GLYATL1: variants seen among roughly 807,000 people sequenced by gnomAD.
The protein encoded by GLYATL1 is glycine-N-acyltransferase like 1.
GLYATL1 carries 15 observed loss-of-function variants against 20.0 expected under a neutral mutation model. That is an observed-to-expected ratio of 0.75 (90% CI 0.50 to 1.15). The LOEUF is 1.15. Among genes scored for constraint, GLYATL1 ranks in the 50% most tolerant of loss-of-function variants. The pLI is 0.00. For missense variants in GLYATL1, 380 were observed against 368.5 expected, an observed-to-expected ratio of 1.03 and a Z score of -0.26; for synonymous variants, 151 against 131.5, an observed-to-expected ratio of 1.15 and a Z score of -1.01.
At chr11:58,941,230 C>T (rs1275241744) in intron 1 of GLYATL1, among the ~76,000 whole-genome samples, 1 of 136,684 alleles carries the variant, frequency 7.3e-6, no homozygotes, top group East Asian at 2.3e-4. Context: ...GTGATGTTCC[C>T]CTTCCTGTGT....
Position 58,955,855 on chromosome 11 carries a change from G to C in GLYATL1, c.737G>C (p.Arg246Pro), listed in dbSNP as rs986110866. 1 of 1,614,218 alleles carries C rather than the reference G, an allele frequency of 6.2e-7. No individual in the cohort carries two copies. Among genetic ancestry groups the C allele is most frequent in the Admixed American group, 1.7e-5 (1 of 60,028 alleles). Residue 246 changes from arginine to proline, a missense_variant, in exon 7 of 7, where the codon CGA becomes CCA. By Grantham distance (103) the Arg-to-Pro change is moderately radical. Transcript: ENST00000532726. Reference protein sequence around the residue: ...EKYRRTGNMARVMVRYMKYLR... With the variant: ...EKYRRTGNMAPVMVRYMKYLR... ...TACCGAAGGACAGGCAACATGGCAC[G>C]AGTGATGGTGCGATACATGAAATAT...
rs915135754 is a variant in GLYATL1 at position 58,956,000 on chromosome 11, C to T, written c.882C>T (p.Cys294=). 6.2e-7 allele frequency: 1 copy of T among 1,612,144 alleles called. No homozygotes were observed. The highest frequency in any genetic ancestry group is 8.5e-7 in the Non-Finnish European group (1 of 1,178,322). ...EASCEWHQWT[C]YPQNLVPF is the part of the protein sequence containing the mutation. ...CCTGTGAGTGGCACCAATGGACTTG[C>T]TACCCACAGAATCTAGTTCCATTTT... The change falls in exon 7 of 7, where the codon TGC becomes TGT. Residue 294 remains cysteine (C), a synonymous_variant. Coordinates refer to ENST00000532726, the MANE Select transcript of GLYATL1 (RefSeq NM_001389712.2).
intron 1 of GLYATL1, among the ~76,000 whole-genome samples, chr11:58,914,486 C>A (rs1855122500): frequency 6.6e-6 from 1 of 152,132 alleles, no homozygotes; most frequent in Non-Finnish European, 1.5e-5. Context: ...ATAAGGTAAG[C>A]TAATATCATT....
intron 1 of GLYATL1, among the ~76,000 whole-genome samples, chr11:58,920,405 G>A (rs1855280201): frequency 6.6e-6 from 1 of 152,150 alleles, no homozygotes; most frequent in African/African-American, 2.4e-5. Context: ...AGAGCTGTCA[G>A]CTCTGCCTTC....
At chr11:58,915,020 C>T (rs866175109) in intron 1 of GLYATL1, among the ~76,000 whole-genome samples, 1 of 152,182 alleles carries the variant, frequency 6.6e-6, no homozygotes, top group Non-Finnish European at 1.5e-5. Flanking sequence ...TCAGATTACA[C>T]CTAGGCTCTG....
intron 4 of GLYATL1, among the ~76,000 whole-genome samples, chr11:58,951,665 A>T (rs1965456564): frequency 6.6e-6 from 1 of 151,956 alleles, no homozygotes. Flanking sequence ...ACTTTTTTTC[A>T]GTTTGCATTC....
downstream of GLYATL1, among the ~76,000 whole-genome samples, chr11:58,911,183 T>G (rs993343838): frequency 3.9e-5 from 6 of 152,224 alleles, no homozygotes; most frequent in Admixed American, 2.0e-4. Context: ...CTGAGTAACA[T>G]TCCACTGTGT....
upstream of GLYATL1, among the ~76,000 whole-genome samples, chr11:58,925,826 T>C (rs1322438112): frequency 1.3e-5 from 2 of 152,204 alleles, no homozygotes; most frequent in Non-Finnish European, 2.9e-5. Flanking sequence ...TTCCCCTTTT[T>C]CTGATTTTTT....
intron 1 of GLYATL1, chr11:58,942,680 C>T (rs1856248443): frequency 6.6e-6 from 1 of 152,104 alleles, no homozygotes; most frequent in African/African-American, 2.4e-5. Flanking sequence ...AGATGTCAAA[C>T]AGGCCGTTAG....
At position 58,953,962 on chromosome 11, in the gene GLYATL1, C is replaced by A. The variant is rs146177657; in HGVS notation, c.187-808C>A. ...ATCACGAGTCTCTTTCTTTCAAACCCAAGAGTCTAACACCACATAAATTAC... is the reference window on the plus strand; with the variant it reads ...ATCACGAGTCTCTTTCTTTCAAACCAAAGAGTCTAACACCACATAAATTAC... On this transcript the variant is annotated intron_variant, in intron 4 of 6. Transcript: ENST00000532726. 1.1e-3 allele frequency among the ~76,000 whole-genome samples: 171 copies of A among 152,232 alleles called. 2 individuals are homozygous for A. The highest frequency in any genetic ancestry group is 1.6e-4 in the Non-Finnish European group (11 of 68,002).
At chr11:58,947,715 TCCAGGACCATACTGCTCATCTCA>T (rs1337610747) in intron 3 of GLYATL1, 120 bp from the exon 4 acceptor site, 1 of 649,324 alleles carries the variant, frequency 1.5e-6, no homozygotes, top group Non-Finnish European at 2.8e-6. Context: ...TATGGTCCTC[TCCAGGACCATACTGCTCATCTCA>T]CCATCACTGA....
Position 58,943,581 on chromosome 11 carries a change from AT to A in GLYATL1, c.-127del. 2 of 1,613,498 alleles carry A rather than the reference AT, an allele frequency of 1.2e-6. No individual in the cohort carries two copies. Among genetic ancestry groups the A allele is most frequent in the Admixed American group, 1.7e-5 (1 of 59,922 alleles). On this transcript the variant is annotated 5_prime_UTR_variant, in exon 2 of 7. It introduces an in-frame stop codon into an upstream open reading frame of the 5' UTR. Transcript: ENST00000532726. ...AAGGATCTGAAGTGGAGCTTCTAGT[AT>A]CCCCAGGAGCGCGAAGTGAACACGG...
upstream of GLYATL1, among the ~76,000 whole-genome samples, chr11:58,923,906 TCCAGAAG>T (rs1231118345): frequency 6.6e-6 from 1 of 152,246 alleles, no homozygotes; most frequent in Admixed American, 6.5e-5. Flanking sequence ...TTCTTTCTTA[TCCAGAAG>T]CCCTTTTATT....
intron 1 of GLYATL1, among the ~76,000 whole-genome samples, chr11:58,915,249 T>C (rs1855143986): frequency 6.6e-6 from 1 of 152,146 alleles, no homozygotes; most frequent in Non-Finnish European, 1.5e-5. Context: ...AATTCAGTAA[T>C]TTATTCTGAT....
chr11:58,944,495 GCCTT>G (rs1856424454), intron 2 of GLYATL1, among the ~76,000 whole-genome samples: 1 of 151,930 alleles, frequency 6.6e-6, no homozygotes, highest in Non-Finnish European at 1.5e-5. Flanking sequence ...TGGTTCCATT[GCCTT>G]CCATGTTTTT....
chr11:58,952,913 C>T (rs1857098564), intron 4 of GLYATL1, among the ~76,000 whole-genome samples: 1 of 152,190 alleles, frequency 6.6e-6, no homozygotes, highest in East Asian at 1.9e-4. Flanking sequence ...TCCGATCCAG[C>T]AATGTCTTTA....
At chr11:58,936,920 C>T (rs1855862093), upstream of GLYATL1, among the ~76,000 whole-genome samples, 1 of 152,190 alleles carries the variant, frequency 6.6e-6, no homozygotes, top group South Asian at 2.1e-4. Context: ...GACTTGTTCT[C>T]TCCATGAAGT....
chr11:58,941,607 G>A (rs979816998), intron 1 of GLYATL1, among the ~76,000 whole-genome samples: 1 of 152,170 alleles, frequency 6.6e-6, no homozygotes, highest in Non-Finnish European at 1.5e-5. Flanking sequence ...GCCAAAGGAG[G>A]CCTTATTGAG....
chr11:58,947,062 T>G lies in GLYATL1; in HGVS notation c.-26T>G. ...TCTTTTCAGAGTTTCTTCTTCAAGGTCTCAAGGTCTGAAGCATCCCACAGA... is the reference window on the plus strand; with the variant it reads ...TCTTTTCAGAGTTTCTTCTTCAAGGGCTCAAGGTCTGAAGCATCCCACAGA... On this transcript the variant is annotated 5_prime_UTR_variant, in exon 3 of 7. Transcript: ENST00000532726. 6.2e-7 allele frequency: 1 copy of G among 1,612,918 alleles called. No individual in the cohort carries two copies. The highest frequency in any genetic ancestry group is 8.5e-7 in the Non-Finnish European group (1 of 1,178,886).
Sources: gnomAD v4.1 joint callset for allele counts (sites outside exome capture counted in the v4.1 genomes callset) on GRCh38, gnomAD v4.1.1 for gene constraint, MANE v1.5 for transcripts, NCBI Gene and HGNC (gene_info 2026-07-23, HGNC 2026-07-21) for gene names.